Variants in ERGIC1 observed in about 807,000 individuals in gnomAD.
ERGIC1 encodes the protein endoplasmic reticulum-Golgi intermediate compartment protein 1.
In ERGIC1, 19 loss-of-function variants were observed where a neutral mutation model predicts 38.3. The ratio of observed to expected loss-of-function variants is 0.50; its 90% CI spans 0.35 to 0.73. ERGIC1 has a LOEUF of 0.73. ERGIC1 is among the 30% of genes least tolerant of loss of function. The pLI, the probability that ERGIC1 is intolerant of heterozygous loss-of-function variation, is 0.01. For synonymous variants in ERGIC1, 124 were observed against 157.6 expected, an observed-to-expected ratio of 0.79 and a Z score of 1.60; for missense variants, 294 against 389.2, an observed-to-expected ratio of 0.76 and a Z score of 2.06.
chr5:172,929,628 T>C (rs1033301087), intron 7 of ERGIC1, among the ~76,000 whole-genome samples: 3 of 152,130 alleles, frequency 2.0e-5, no homozygotes, highest in African/African-American at 7.2e-5. Context: ...AGGAAAATAA[T>C]GTTCATTAGG....
At chr5:172,946,232 T>G (rs1738627871) in intron 9 of ERGIC1, among the ~76,000 whole-genome samples, 2 of 152,228 alleles carry the variant, frequency 1.3e-5, no homozygotes, top group Non-Finnish European at 2.9e-5. Context: ...CTCGCTCCTC[T>G]GTGTGAACAG....
Position 172,846,843 on chromosome 5 carries a change from C to A in ERGIC1, c.20+12410C>A, listed in dbSNP as rs1300883758. Among the ~76,000 whole-genome samples, 2 of 152,078 alleles carry A rather than the reference C, an allele frequency of 1.3e-5. No homozygotes were observed. The highest frequency in any genetic ancestry group is 2.4e-5 in the African/African-American group (1 of 41,400). ...CTAAATAAGTTTGCCTCTGTAAAGC[C>A]CTTAGAACTGTGCCTGGCATCTGTT... On this transcript the variant is annotated intron_variant, in intron 1 of 9. Coordinates refer to ENST00000393784, the MANE Select transcript of ERGIC1 (RefSeq NM_001031711.3). The surrounding 1 kb of genome is among the most constrained non-coding windows in gnomAD (Gnocchi z 4.0).
chr5:172,946,578 A>G (rs920806038), intron 9 of ERGIC1, among the ~76,000 whole-genome samples: 1 of 152,082 alleles, frequency 6.6e-6, no homozygotes, highest in Non-Finnish European at 1.5e-5. Context: ...GCATCTCCCC[A>G]TGTTCCAGAA....
In ERGIC1 at chr5:172,926,850, C is replaced by A. The variant is rs1763662633; in HGVS notation, c.541+281C>A. On this transcript the variant is annotated intron_variant, in intron 7 of 9. Transcript: ENST00000393784. The surrounding 1 kb of genome is among the most constrained non-coding windows in gnomAD (Gnocchi z 5.2). ...ACCATTATTGTTGCTCTCATCACAG[C>A]CACATCATCATCCTTAGTTGAACTA... 3 of 455,564 alleles carry A rather than the reference C, an allele frequency of 6.6e-6. No homozygotes were observed. In the Admixed American group the frequency reaches 1.1e-4, roughly 16 times the overall value. The allele number at this position is 455,564 out of a possible 1,614,324, so 28.2% of individuals were successfully genotyped here.
In ERGIC1 at chr5:172,950,701, T is replaced by C. The variant is rs772467483; in HGVS notation, c.766-8T>C. On this transcript the variant is annotated splice_region_variant and splice_polypyrimidine_tract_variant and intron_variant, in intron 9 of 9. Transcript: ENST00000393784. ...TGACACTCCCACCCCACCCCTGCCC[T>C]CTTGCAGATCTGTGCCATCATTGGC... The C allele has an allele frequency of 1.3e-6, 2 of 1,595,296 alleles. No individual in the cohort carries two copies. Among genetic ancestry groups the C allele is most frequent in the Non-Finnish European group, 1.7e-6 (2 of 1,163,924 alleles).
intron 9 of ERGIC1, chr5:172,937,174 G>A (rs766304802): frequency 1.3e-5 from 2 of 152,168 alleles, no homozygotes; most frequent in Non-Finnish European, 2.9e-5. Flanking sequence ...CGCAGCCTGG[G>A]AAAAGATACT....
At chr5:172,845,642 T>C (rs1761268211) in intron 1 of ERGIC1, among the ~76,000 whole-genome samples, 1 of 152,212 alleles carries the variant, frequency 6.6e-6, no homozygotes, top group Non-Finnish European at 1.5e-5. Flanking sequence ...TGCTTCTCTC[T>C]CTCTTTTAAC....
At chr5:172,879,113 C>A (rs1762218856) in intron 1 of ERGIC1, among the ~76,000 whole-genome samples, 1 of 152,198 alleles carries the variant, frequency 6.6e-6, no homozygotes. Context: ...ATATGGCGAA[C>A]CACAGAGTGA....
At chr5:172,862,911 A>T (rs1257407084) in intron 1 of ERGIC1, among the ~76,000 whole-genome samples, 3 of 152,224 alleles carry the variant, frequency 2.0e-5, no homozygotes, top group African/African-American at 7.2e-5. Context: ...AAGCAGTGAG[A>T]TGAAAGTTCT....
chr5:172,948,300 TA>T (rs1243926311), intron 9 of ERGIC1, among the ~76,000 whole-genome samples: 3 of 152,172 alleles, frequency 2.0e-5, no homozygotes, highest in Non-Finnish European at 4.4e-5. Context: ...AAATATCATT[TA>T]AAAAAATAAA....
chr5:172,893,868 G>GATAT (rs1191189327), intron 2 of ERGIC1, among the ~76,000 whole-genome samples: 97 of 28,112 alleles, frequency 3.5e-3, no homozygotes, highest in South Asian at 4.6e-3. Context: ...CACTTAGGGG[G>GATAT]ATATATATAT....
intron 9 of ERGIC1, 100 bp from the exon 10 acceptor site, chr5:172,950,609 C>T (rs1305164162): frequency 1.2e-5 from 12 of 1,036,128 alleles, no homozygotes; most frequent in Non-Finnish European, 1.7e-5. Context: ...CAATGTCTGC[C>T]TTGCAGAGCC....
At chr5:172,904,710 G>A (rs990455758) in intron 3 of ERGIC1, among the ~76,000 whole-genome samples, 13 of 152,252 alleles carry the variant, frequency 8.5e-5, no homozygotes, top group Admixed American at 5.9e-4. Flanking sequence ...GCCATGGGGT[G>A]GTTGTGGGTG....
At chr5:172,947,766 C>A (rs1031872732) in intron 9 of ERGIC1, among the ~76,000 whole-genome samples, 3 of 152,134 alleles carry the variant, frequency 2.0e-5, no homozygotes, top group African/African-American at 2.4e-5. Context: ...ACATTGTCTC[C>A]CTCTGGTCTG....
At position 172,932,497 on chromosome 5, in the gene ERGIC1, C is replaced by T. The variant is rs1763800463; in HGVS notation, c.603C>T (p.Gly201=). 6.2e-7 allele frequency: 1 copy of T among 1,614,058 alleles called. No individual in the cohort carries two copies. Residue 201 remains glycine (G), a synonymous_variant, in exon 8 of 10, where the codon GGC becomes GGT. Transcript: ENST00000393784. Reference sequence around the variant, plus strand: ...CCACGGTTTATGAGGACAAGAGTGGCAAGCAGCGGTACTCCTACCAGTACA... The same window carrying T: ...CCACGGTTTATGAGGACAAGAGTGGTAAGCAGCGGTACTCCTACCAGTACA... ...IVPTVYEDKS[G]KQRYSYQYTV... is the part of the protein sequence containing the mutation.
chr5:172,893,598 TCA>T (rs1284634994), intron 2 of ERGIC1, among the ~76,000 whole-genome samples: 6 of 151,964 alleles, frequency 3.9e-5, no homozygotes, highest in African/African-American at 1.5e-4. Context: ...TTTTGCCTGC[TCA>T]GTTTTCCAAG....
Position 172,834,433 on chromosome 5 carries a change from G to A in ERGIC1, c.20G>A (p.Arg7Lys). 2.2e-6 allele frequency: 3 copies of A among 1,336,732 alleles called. No homozygotes were observed. The highest frequency in any genetic ancestry group is 2.9e-6 in the Non-Finnish European group (3 of 1,039,630). The allele number at this position is 1,336,732 out of a possible 1,614,324, so 82.8% of individuals were successfully genotyped here. The change falls in exon 1 of 10, where the codon AGG (arginine) becomes AAG (lysine). Residue 7 changes from arginine (R) to lysine (K), a missense_variant and splice_region_variant. Arg to Lys is a conservative substitution (Grantham distance 26). Coordinates refer to ENST00000393784, the MANE Select transcript of ERGIC1 (RefSeq NM_001031711.3). The surrounding 1 kb of genome is among the most constrained non-coding windows in gnomAD (Gnocchi z 4.1). MPFDFR[R>K]FDIYRKVPKD... Reference sequence around the variant, plus strand: ...GGCACGATGCCCTTTGACTTCAGGAGGTGAGTGTGGCGACCCCGGCCAGTC... The same window carrying A: ...GGCACGATGCCCTTTGACTTCAGGAAGTGAGTGTGGCGACCCCGGCCAGTC...
In ERGIC1 at chr5:172,879,556, A is replaced by G. The variant is rs191438241; in HGVS notation, c.21-9143A>G. Among the ~76,000 whole-genome samples the G allele has an allele frequency of 5.3e-5, 8 of 152,256 alleles. No individual in the cohort carries two copies. In the East Asian group the frequency reaches 7.7e-4, roughly 15 times the overall value. On this transcript the variant is annotated intron_variant, in intron 1 of 9. Transcript: ENST00000393784. Reference sequence around the variant, plus strand: ...TTCAGACGGACTTCATCTTTTCCCTATGGGTTCCTTTGCTTTGTTTTTTTT... The same window carrying G: ...TTCAGACGGACTTCATCTTTTCCCTGTGGGTTCCTTTGCTTTGTTTTTTTT...
chr5:172,950,678 A>G (rs372433266), intron 9 of ERGIC1, 31 bp from the exon 10 acceptor site: 47 of 1,593,014 alleles, frequency 3.0e-5, no homozygotes, highest in Non-Finnish European at 4.0e-5. Flanking sequence ...CTGACTTCTG[A>G]CACTCCCACC....
Sources: allele counts gnomAD v4.1 joint callset (sites outside exome capture counted in the v4.1 genomes callset), GRCh38; gene constraint gnomAD v4.1.1; non-coding constraint Gnocchi (gnomAD v3.1); transcripts MANE v1.5; gene names NCBI Gene and HGNC (gene_info 2026-07-23, HGNC 2026-07-21).